Variants in OSBPL10 observed in about 807,000 individuals in gnomAD.
OSBPL10 encodes the protein oxysterol binding protein like 10.
OSBPL10 carries 49 observed loss-of-function variants against 81.7 expected under a neutral mutation model. The observed-to-expected ratio is 0.60, with a 90% CI of 0.48 to 0.76. The LOEUF (loss-of-function observed/expected upper bound fraction) is 0.76, where lower values mean the gene tolerates loss of function less well. OSBPL10 is among the 30% of genes least tolerant of loss of function. The probability of loss-of-function intolerance (pLI) is 0.00; values close to 1 mark genes in which losing one functional copy is unlikely to be tolerated. For missense variants in OSBPL10, 923 were observed against 987.8 expected (o/e 0.93, Z 0.88); for synonymous variants, 419 against 383.6 (o/e 1.09, Z -1.08).
chr3:31,837,452 AAAAG>A (rs1265349634), intron 3 of OSBPL10, among the ~76,000 whole-genome samples: 3 of 149,968 alleles, frequency 2.0e-5, no homozygotes, highest in African/African-American at 7.3e-5. Flanking sequence ...ACAAGGAATA[AAAAG>A]AAATTTTCTT....
intron 4 of OSBPL10, among the ~76,000 whole-genome samples, chr3:31,824,900 G>C (rs925041699): frequency 6.6e-6 from 1 of 152,076 alleles, no homozygotes; most frequent in African/African-American, 2.4e-5. Flanking sequence ...TTTCCTAGTG[G>C]AGCCAAGATA....
intron 4 of OSBPL10, among the ~76,000 whole-genome samples, chr3:31,758,365 A>G (rs985770583): frequency 6.6e-6 from 1 of 152,188 alleles, no homozygotes. Context: ...AACAGATACC[A>G]CTGTTAGCCA....
intron 2 of OSBPL10, among the ~76,000 whole-genome samples, chr3:32,018,487 G>A (rs1386563377): frequency 1.3e-5 from 2 of 152,158 alleles, no homozygotes; most frequent in Non-Finnish European, 2.9e-5. Flanking sequence ...GAGCATAGAA[G>A]GGAAAACCAG....
chr3:31,762,649 T>TTTTTTTTTTTTTTC (rs1698084622), intron 4 of OSBPL10, among the ~76,000 whole-genome samples: 1 of 140,174 alleles, frequency 7.1e-6, no homozygotes, highest in Non-Finnish European at 1.6e-5. Context: ...TTTTTTTTTT[T>TTTTTTTTTTTTTTC]GTAGAGATGG....
chr3:32,074,424 CTT>C (rs776644493), intron 1 of OSBPL10, among the ~76,000 whole-genome samples: 14 of 152,154 alleles, frequency 9.2e-5, no homozygotes, highest in Non-Finnish European at 1.3e-4. Context: ...TTCCTTTACT[CTT>C]TATCTCCAGA....
At chr3:31,833,039 G>A (rs1300285836) in intron 3 of OSBPL10, among the ~76,000 whole-genome samples, 1 of 152,202 alleles carries the variant, frequency 6.6e-6, no homozygotes, top group South Asian at 2.1e-4. Flanking sequence ...TTGGAATGCA[G>A]ATAAAGATAG....
At chr3:31,956,249 G>A (rs1455487595) in intron 1 of OSBPL10, among the ~76,000 whole-genome samples, 1 of 152,190 alleles carries the variant, frequency 6.6e-6, no homozygotes, top group African/African-American at 2.4e-5. Flanking sequence ...TTTAGTACAG[G>A]AGAGTCCCAC....
At chr3:31,766,592 G>C (rs1203695375) in intron 4 of OSBPL10, among the ~76,000 whole-genome samples, 1 of 151,948 alleles carries the variant, frequency 6.6e-6, no homozygotes, top group Non-Finnish European at 1.5e-5. Context: ...TTCCTCCTCA[G>C]CCCCTCAAAT....
chr3:31,734,903 CA>C (rs1217955076), intron 5 of OSBPL10, among the ~76,000 whole-genome samples: 2 of 152,164 alleles, frequency 1.3e-5, no homozygotes, highest in African/African-American at 4.8e-5. Context: ...ATCCATAAAG[CA>C]ATACTATCTG....
chr3:32,040,978 G>T (rs1454442196), intron 2 of OSBPL10, among the ~76,000 whole-genome samples: 1 of 152,208 alleles, frequency 6.6e-6, no homozygotes, highest in African/African-American at 2.4e-5. Context: ...AGCTAAAATA[G>T]AACTAGACCT....
intron 3 of OSBPL10, among the ~76,000 whole-genome samples, chr3:31,834,560 C>G (rs1700323426): frequency 6.6e-6 from 1 of 152,210 alleles, no homozygotes; most frequent in Non-Finnish European, 1.5e-5. Context: ...TCCCTACATT[C>G]TCATTGAATG....
chr3:31,980,546 C>T (rs1397470422), intron 1 of OSBPL10, among the ~76,000 whole-genome samples: 5 of 152,170 alleles, frequency 3.3e-5, no homozygotes. Context: ...CTTTCCCAGT[C>T]ATTCTTCAGG....
intron 2 of OSBPL10, among the ~76,000 whole-genome samples, chr3:32,011,401 TAACA>T (rs1379651386): frequency 1.3e-5 from 2 of 152,100 alleles, no homozygotes; most frequent in African/African-American, 4.8e-5. Flanking sequence ...GAAGGAAAAC[TAACA>T]AACAGAAAGG....
chr3:31,888,541 AT>A (rs984409902), intron 1 of OSBPL10, among the ~76,000 whole-genome samples: 8 of 152,194 alleles, frequency 5.3e-5, no homozygotes, highest in Admixed American at 6.5e-5. Flanking sequence ...AATCTACAGA[AT>A]GGGGGAAAAT....
At chr3:31,879,144 G>A (rs946559874) in intron 2 of OSBPL10, among the ~76,000 whole-genome samples, 1 of 152,016 alleles carries the variant, frequency 6.6e-6, no homozygotes, top group Non-Finnish European at 1.5e-5. Context: ...CAAAGAGAAG[G>A]GAAGAAAGCA....
At chr3:31,762,952 C>T in intron 4 of OSBPL10, among the ~76,000 whole-genome samples, 1 of 152,060 alleles carries the variant, frequency 6.6e-6, no homozygotes, top group East Asian at 1.9e-4. Context: ...CAAAGGCTCA[C>T]ATACACACTC....
chr3:31,743,682 G>A (rs1054612238), intron 5 of OSBPL10, among the ~76,000 whole-genome samples: 30 of 152,174 alleles, frequency 2.0e-4, no homozygotes, highest in Admixed American at 1.0e-3. Context: ...ACAGTGCAAG[G>A]ATCAGAAGGC....
At chr3:32,036,061 T>A (rs374621909) in intron 2 of OSBPL10, among the ~76,000 whole-genome samples, 2 of 152,188 alleles carry the variant, frequency 1.3e-5, no homozygotes, top group Non-Finnish European at 2.9e-5. Flanking sequence ...TTAAAAAAAT[T>A]TTTTTAGACA....
chr3:32,013,438 TA>T (rs1699280059), intron 2 of OSBPL10, among the ~76,000 whole-genome samples: 1 of 151,856 alleles, frequency 6.6e-6, no homozygotes, highest in South Asian at 2.1e-4. Flanking sequence ...GGGACACATT[TA>T]AAGCAGTGTG....
Sources: allele counts gnomAD v4.1 joint callset (sites outside exome capture counted in the v4.1 genomes callset), GRCh38; gene constraint gnomAD v4.1.1; transcripts MANE v1.5; gene names NCBI Gene and HGNC (gene_info 2026-07-23, HGNC 2026-07-21).